KIF26A: variants seen among roughly 807,000 people sequenced by gnomAD.
KIF26A encodes kinesin-like protein KIF26A.
A neutral mutation model predicts 126.0 loss-of-function variants in KIF26A; 74 were observed. The ratio of observed to expected loss-of-function variants is 0.59; its 90% CI spans 0.49 to 0.71. The LOEUF is 0.71. Among genes scored for constraint, KIF26A ranks in the 30% least tolerant of loss-of-function variants. The probability of loss-of-function intolerance (pLI) is 0.00; values close to 1 mark genes in which losing one functional copy is unlikely to be tolerated. For synonymous variants in KIF26A, 1,445 were observed against 1,232.7 expected (o/e 1.17, Z -3.61); for missense variants, 2,984 against 2,763.3 (o/e 1.08, Z -1.79).
At position 104,170,349 on chromosome 14, in the gene KIF26A, A is replaced by G. The variant is rs75348933; in HGVS notation, c.1114-1374A>G. ...TAATGGAGCCCAGGTTCTGAGTAGTACAATAGAAAAGTGTTTCTTCATGCT... is the reference window on the plus strand; with the variant it reads ...TAATGGAGCCCAGGTTCTGAGTAGTGCAATAGAAAAGTGTTTCTTCATGCT... On this transcript the variant is annotated intron_variant, in intron 5 of 14. Transcript: ENST00000423312. Among the ~76,000 whole-genome samples, 219 of 152,354 alleles carry G rather than the reference A, an allele frequency of 1.4e-3. 6 individuals are homozygous for G. In the East Asian group the frequency reaches 0.029, roughly 20 times the overall value.
At position 104,177,527 on chromosome 14, in the gene KIF26A, G is replaced by T; in HGVS notation, c.4739G>T (p.Gly1580Val). The T allele has an allele frequency of 6.5e-7, 1 of 1,536,236 alleles. No homozygotes were observed. Among genetic ancestry groups the T allele is most frequent in the Non-Finnish European group, 8.7e-7 (1 of 1,146,702 alleles). ...LSASGAPGRG[G>V]SSWGSADSDS... is the part of the protein sequence containing the mutation. Reference sequence around the variant, plus strand: ...GCCAGTGGAGCCCCGGGCCGAGGTGGCTCCTCGTGGGGCTCGGCGGACTCA... The same window carrying T: ...GCCAGTGGAGCCCCGGGCCGAGGTGTCTCCTCGTGGGGCTCGGCGGACTCA... Residue 1580 changes from glycine (G) to valine (V), a missense_variant, in exon 12 of 15, where the codon GGC becomes GTC. Coordinates refer to ENST00000423312, the MANE Select transcript of KIF26A (RefSeq NM_015656.2).
At chr14:104,144,357 G>T (rs1439189955) in intron 2 of KIF26A, among the ~76,000 whole-genome samples, 1 of 152,100 alleles carries the variant, frequency 6.6e-6, no homozygotes, top group Non-Finnish European at 1.5e-5. Flanking sequence ...TCACATGTGG[G>T]CTGGGTGGGG....
intron 4 of KIF26A, among the ~76,000 whole-genome samples, chr14:104,165,241 CTG>C (rs2037876377): frequency 6.7e-6 from 1 of 149,224 alleles, no homozygotes; most frequent in South Asian, 2.1e-4. Context: ...ATGTGTGTCT[CTG>C]TCTCCATATG....
chr14:104,167,840 C>T (rs926619293), intron 5 of KIF26A, among the ~76,000 whole-genome samples: 15 of 152,286 alleles, frequency 9.8e-5, no homozygotes, highest in African/African-American at 3.1e-4. Context: ...CCCAGCACCC[C>T]GAAAGCACTG....
chr14:104,150,995 C>G (rs1024891017), intron 2 of KIF26A, among the ~76,000 whole-genome samples: 1 of 152,186 alleles, frequency 6.6e-6, no homozygotes, highest in South Asian at 2.1e-4. Context: ...AGACACTGGT[C>G]CTGACTCTGG....
chr14:104,164,742 C>T lies in KIF26A; in HGVS notation c.924-2117C>T, dbSNP rs545662650. 4.2e-3 allele frequency among the ~76,000 whole-genome samples: 612 copies of T among 145,612 alleles called. 4 individuals carry two copies. Among genetic ancestry groups the T allele is most frequent in the African/African-American group, 0.015 (573 of 37,376 alleles). On this transcript the variant is annotated intron_variant, in intron 4 of 14. Coordinates refer to ENST00000423312, the MANE Select transcript of KIF26A (RefSeq NM_015656.2). ...GTGTGTGCGTGTCTGTGTGTGTGCGCGTGTCTGTGTGTGTGCGCGTGTCTG... is the reference window on the plus strand; with the variant it reads ...GTGTGTGCGTGTCTGTGTGTGTGCGTGTGTCTGTGTGTGTGCGCGTGTCTG...
rs898033218 is a variant in KIF26A, at chr14:104,148,146, C to G, written c.289-3869C>G. ...GAGCGGGGAGTCCCCGGTAAAGTCC[C>G]CCGGGCCTCACACGCAGGAGAAAAT... On this transcript the variant is annotated intron_variant, in intron 2 of 14. Transcript: ENST00000423312. This position sits in a 1 kb window ranked among gnomAD's most constrained non-coding sequence, Gnocchi z 4.3. 6.6e-6 allele frequency among the ~76,000 whole-genome samples: 1 copy of G among 152,120 alleles called. No homozygotes were observed. The highest frequency in any genetic ancestry group is 1.5e-5 in the Non-Finnish European group (1 of 68,008).
intron 5 of KIF26A, among the ~76,000 whole-genome samples, chr14:104,171,196 G>A (rs1001473602): frequency 2.0e-5 from 3 of 152,258 alleles, no homozygotes; most frequent in African/African-American, 7.2e-5. Context: ...CCAGGGTTCG[G>A]TTCCCTCAGC....
rs370338382 is a variant in KIF26A, at chr14:104,174,244, C to T, written c.2127C>T (p.His709=). 174 of 1,578,010 alleles carry T rather than the reference C, an allele frequency of 1.1e-4. No homozygotes were observed. The highest frequency in any genetic ancestry group is 1.3e-4 in the Non-Finnish European group (152 of 1,163,686). ...IAHVSDAPAQ[H]AETLSTVQLA... is the part of the protein sequence containing the mutation. ...ACGTGTCGGATGCGCCAGCCCAGCA[C>T]GCAGAGACACTCAGCACCGTGCAGC... Residue 709 remains histidine (H), a synonymous_variant, in exon 11 of 15, where the codon CAC becomes CAT. Transcript: ENST00000423312.
intron 4 of KIF26A, 79 bp downstream of exon 4, chr14:104,158,021 C>A (rs1596138786): frequency 1.5e-6 from 2 of 1,350,086 alleles, no homozygotes; most frequent in Non-Finnish European, 9.8e-7. Context: ...GACCTATGGG[C>A]CGTTCTTGGG....
intron 2 of KIF26A, among the ~76,000 whole-genome samples, chr14:104,150,789 G>T (rs991213840): frequency 6.6e-6 from 1 of 152,242 alleles, no homozygotes; most frequent in African/African-American, 2.4e-5. Flanking sequence ...CCAGGTTTCG[G>T]GTGGTGGGAA....
intron 3 of KIF26A, among the ~76,000 whole-genome samples, chr14:104,156,436 C>G (rs1353059831): frequency 4.1e-5 from 6 of 147,212 alleles, no homozygotes; most frequent in Admixed American, 4.1e-4. Flanking sequence ...TTTTCTGCTA[C>G]TGGGCATTCC....
At position 104,165,105 on chromosome 14, in the gene KIF26A, CTG is replaced by C. The variant is rs368284781; in HGVS notation, c.924-1744_924-1743del. 4.7e-4 allele frequency among the ~76,000 whole-genome samples: 71 copies of C among 149,524 alleles called. 1 individual carries two copies. The East Asian group carries it at 6.6e-3, about 14-fold the overall frequency. Reference sequence around the variant, plus strand: ...TGTGTGTTTCTATGTGTGTGTGTCTCTGTGTGTGTGTCTCTGCATGTATATGT... The same window carrying C: ...TGTGTGTTTCTATGTGTGTGTGTCTCTGTGTGTGTCTCTGCATGTATATGT... On this transcript the variant is annotated intron_variant, in intron 4 of 14. Transcript: ENST00000423312.
Position 104,148,144 on chromosome 14 carries a change from C to A in KIF26A, c.289-3871C>A, listed in dbSNP as rs950160921. 1.3e-5 allele frequency among the ~76,000 whole-genome samples: 2 copies of A among 152,114 alleles called. No individual in the cohort carries two copies. Among genetic ancestry groups the A allele is most frequent in the Non-Finnish European group, 2.9e-5 (2 of 68,024 alleles). On this transcript the variant is annotated intron_variant, in intron 2 of 14. Transcript: ENST00000423312. This position sits in a 1 kb window ranked among gnomAD's most constrained non-coding sequence, Gnocchi z 4.3. Reference sequence around the variant, plus strand: ...GGGAGCGGGGAGTCCCCGGTAAAGTCCCCCGGGCCTCACACGCAGGAGAAA... The same window carrying A: ...GGGAGCGGGGAGTCCCCGGTAAAGTACCCCGGGCCTCACACGCAGGAGAAA...
At chr14:104,170,492 G>A (rs555939009) in intron 5 of KIF26A, among the ~76,000 whole-genome samples, 4 of 152,340 alleles carry the variant, frequency 2.6e-5, no homozygotes, top group African/African-American at 4.8e-5. Context: ...TTTTGCCGGC[G>A]TTATGTATCT....
At chr14:104,165,639 GTT>G (rs1234856877) in intron 4 of KIF26A, among the ~76,000 whole-genome samples, 1 of 138,940 alleles carries the variant, frequency 7.2e-6, no homozygotes, top group African/African-American at 3.0e-5. Flanking sequence ...GTGTGTCTGT[GTT>G]TCTGTATGCA....
chr14:104,161,212 C>T (rs963847722), intron 4 of KIF26A, among the ~76,000 whole-genome samples: 5 of 151,946 alleles, frequency 3.3e-5, no homozygotes, highest in African/African-American at 9.7e-5. Flanking sequence ...GGGTCCCCTT[C>T]GCAGGTCTGC....
At chr14:104,179,194 A>T in intron 13 of KIF26A, 42 bp from the exon 14 acceptor site, 1 of 1,418,000 alleles carries the variant, frequency 7.1e-7, no homozygotes, top group Admixed American at 2.8e-5. Context: ...GTCTCTGGGG[A>T]GAGGGTCCCA....
chr14:104,179,373 C>A lies in KIF26A; in HGVS notation c.5454C>A (p.Arg1818=). ...TQGRLMLEPG[R]WLEQFEVDPE... Reference sequence around the variant, plus strand: ...GCCGGCTGATGCTGGAGCCTGGCCGCTGGCTGGAGCAGTGTGAGTCCCGCC... The same window carrying A: ...GCCGGCTGATGCTGGAGCCTGGCCGATGGCTGGAGCAGTGTGAGTCCCGCC... Residue 1818 remains arginine (R), a synonymous_variant, in exon 14 of 15, where the codon CGC becomes CGA. Transcript: ENST00000423312. The A allele has an allele frequency of 6.6e-7, 1 of 1,525,902 alleles. No individual in the cohort carries two copies. Among genetic ancestry groups the A allele is most frequent in the Non-Finnish European group, 8.8e-7 (1 of 1,140,418 alleles). The allele number at this position is 1,525,902 out of a possible 1,614,324, so 94.5% of individuals were successfully genotyped here.
Sources: gnomAD v4.1 joint callset for allele counts (sites outside exome capture counted in the v4.1 genomes callset) on GRCh38, gnomAD v4.1.1 for gene constraint, Gnocchi (gnomAD v3.1) non-coding constraint, MANE v1.5 for transcripts, NCBI Gene and HGNC (gene_info 2026-07-23, HGNC 2026-07-21) for gene names.